Variants in PNRC2 observed in about 807,000 individuals in gnomAD.
PNRC2 encodes proline rich nuclear receptor coactivator 2, also known as proline-rich nuclear receptor coactivator 2.
In PNRC2, 2 loss-of-function variants were observed where a neutral mutation model predicts 12.2. The observed-to-expected ratio is 0.16, with a 90% CI of 0.07 to 0.52. The LOEUF is 0.52. Ranked by LOEUF, PNRC2 falls within the 20% of genes least tolerant of loss-of-function variation. PNRC2 has a pLI of 0.95. For synonymous variants in PNRC2, 44 were observed against 53.9 expected (o/e 0.82, Z 0.80); for missense variants, 115 against 158.4 (o/e 0.73, Z 1.47).
rs932934679 is a variant in PNRC2 at position 23,963,102 on chromosome 1, G to C, written c.*1225G>C. The C allele has an allele frequency of 3.0e-5, 5 of 166,936 alleles. No homozygotes were observed. The highest frequency in any genetic ancestry group is 1.2e-4 in the African/African-American group (5 of 41,416). The allele number at this position is 166,936 out of a possible 1,614,324, so 10.3% of individuals were successfully genotyped here. A position where few individuals can be genotyped will look rare whatever the true frequency, so the allele number is the denominator to read the frequency against. ...GATGTTTTGTTTTTGTTTGGTCAAG[G>C]GGTAGGTGCAACCCAATGGACCACT... On this transcript the variant is annotated 3_prime_UTR_variant, in exon 3 of 3. Coordinates refer to ENST00000334351, the MANE Select transcript of PNRC2 (RefSeq NM_017761.4).
intron 1 of PNRC2, 117 bp downstream of exon 1, chr1:23,960,115 G>A (rs1641248064): frequency 6.6e-6 from 1 of 152,248 alleles, no homozygotes; most frequent in South Asian, 2.1e-4. Context: ...GGGCGGTCAC[G>A]GGCGGTCGCA....
In PNRC2 at chr1:23,961,704, T is replaced by C; in HGVS notation, c.247T>C (p.Leu83=). ...GAATTCTAGCTTATCAGGTCCCAGGTTACTTTTTAAATCTCAAGCTAATCA... is the reference window on the plus strand; with the variant it reads ...GAATTCTAGCTTATCAGGTCCCAGGCTACTTTTTAAATCTCAAGCTAATCA... ...SWNSSLSGPR[L]LFKSQANQNY... Residue 83 remains leucine (L), a synonymous_variant, in exon 3 of 3, where the codon TTA becomes CTA. Coordinates refer to ENST00000334351, the MANE Select transcript of PNRC2 (RefSeq NM_017761.4). 4 of 1,614,022 alleles carry C rather than the reference T, an allele frequency of 2.5e-6. No homozygotes were observed. The highest frequency in any genetic ancestry group is 3.4e-6 in the Non-Finnish European group (4 of 1,179,872).
intron 1 of PNRC2, among the ~76,000 whole-genome samples, chr1:23,960,404 GGGCTTA>G (rs1193922696): frequency 2.0e-5 from 3 of 152,278 alleles, no homozygotes; most frequent in African/African-American, 7.2e-5. Context: ...TATTTAAGAT[GGGCTTA>G]GACTGTTAGG....
chr1:23,961,611 T>G lies in PNRC2; in HGVS notation c.154T>G (p.Ser52Ala), dbSNP rs1402910970. ...AGAAAGAGGACATGGTTATAACTCA[T>G]CAGCAGCTGCCTGGCAGGCCATGCA... ...KKERGHGYNS[S>A]AAAWQAMQNG... The change falls in exon 3 of 3, where the codon TCA (serine) becomes GCA (alanine). Residue 52 changes from serine (S) to alanine (A), a missense_variant. Ser to Ala is a moderately conservative substitution (Grantham distance 99, BLOSUM62 1). Coordinates refer to ENST00000334351, the MANE Select transcript of PNRC2 (RefSeq NM_017761.4). The G allele has an allele frequency of 1.4e-5, 22 of 1,613,944 alleles. No individual in the cohort carries two copies. Among genetic ancestry groups the G allele is most frequent in the Middle Eastern group, 1.7e-4 (1 of 6,056 alleles).
chr1:23,961,943 G>A lies in PNRC2; in HGVS notation c.*66G>A. On this transcript the variant is annotated 3_prime_UTR_variant, in exon 3 of 3. Transcript: ENST00000334351. ...TTGTCAATTGGTCTGAAACAAATTC[G>A]CTAGGGAATCTATTTGTGTAGAACT... is the stretch of plus-strand genomic sequence containing the variant. 2.3e-6 allele frequency: 2 copies of A among 859,528 alleles called. No individual in the cohort carries two copies. The highest frequency in any genetic ancestry group is 1.8e-6 in the Non-Finnish European group (1 of 546,090). The allele number at this position is 859,528 out of a possible 1,614,324, so 53.2% of individuals were successfully genotyped here.
At chr1:23,961,203 A>G (rs1190935687) in intron 2 of PNRC2, 69 bp downstream of exon 2, 3 of 445,294 alleles carry the variant, frequency 6.7e-6, no homozygotes, top group Non-Finnish European at 1.2e-5. Flanking sequence ...ATTTTAAAAT[A>G]GATTATGTAG....
Position 23,962,292 on chromosome 1 carries a change from A to G in PNRC2, c.*415A>G. ...TATTAGAAACACCCAAACCAGTAAT[A>G]TGCTAACCTGATGCACTGCTGAAAG... On this transcript the variant is annotated 3_prime_UTR_variant, in exon 3 of 3. Transcript: ENST00000334351. 5.7e-6 allele frequency: 1 copy of G among 174,856 alleles called. No homozygotes were observed. The highest frequency in any genetic ancestry group is 1.4e-5 in the Non-Finnish European group (1 of 72,324). 10.8% of individuals were successfully genotyped at this position (174,856 alleles called of 1,614,324 possible). A position where few individuals can be genotyped will look rare whatever the true frequency, so the allele number is the denominator to read the frequency against.
At chr1:23,960,211 G>A (rs1237084748) in intron 1 of PNRC2, among the ~76,000 whole-genome samples, 1 of 152,224 alleles carries the variant, frequency 6.6e-6, no homozygotes, top group African/African-American at 2.4e-5. Flanking sequence ...TTCCGGGTTC[G>A]AGTTGGGAAT....
At position 23,961,637 on chromosome 1, in the gene PNRC2, A is replaced by C. The variant is rs1641278193; in HGVS notation, c.180A>C (p.Gln60His). Reference protein sequence around the residue: ...NSSAAAWQAMQNGGKNKNFPN... With the variant: ...NSSAAAWQAMHNGGKNKNFPN... The stretch of plus-strand genomic sequence containing the variant: ...CAGCAGCTGCCTGGCAGGCCATGCA[A>C]AATGGGGGGAAGAACAAAAATTTTC... The change falls in exon 3 of 3, where the codon CAA becomes CAC. Residue 60 changes from glutamine (Q) to histidine (H), a missense_variant. Gln to His is a conservative substitution (Grantham distance 24). Transcript: ENST00000334351. The C allele has an allele frequency of 2.5e-6, 4 of 1,613,896 alleles. No individual in the cohort carries two copies. In the African/African-American group the frequency reaches 4.0e-5, roughly 16 times the overall value.
chr1:23,961,020 C>A lies in PNRC2; in HGVS notation c.-133C>A. The A allele has an allele frequency of 5.0e-6, 2 of 403,512 alleles. No homozygotes were observed. Among genetic ancestry groups the A allele is most frequent in the East Asian group, 7.1e-5 (2 of 28,192 alleles). The allele number at this position is 403,512 out of a possible 1,614,324, so 25.0% of individuals were successfully genotyped here. A position where few individuals can be genotyped will look rare whatever the true frequency, so the allele number is the denominator to read the frequency against. ...TCAGCAGATCGGCCCATGAAAACTTCTGTATTGAGACAAAGGAAGGGATCT... is the reference window on the plus strand; with the variant it reads ...TCAGCAGATCGGCCCATGAAAACTTATGTATTGAGACAAAGGAAGGGATCT... On this transcript the variant is annotated 5_prime_UTR_variant, in exon 2 of 3. In the 5' UTR this introduces an upstream ATG that the reference lacks. Coordinates refer to ENST00000334351, the MANE Select transcript of PNRC2 (RefSeq NM_017761.4).
chr1:23,961,509 A>G lies in PNRC2; in HGVS notation c.52A>G (p.Ser18Gly), dbSNP rs1641276163. 6.2e-7 allele frequency: 1 copy of G among 1,612,646 alleles called. No homozygotes were observed. ...NIPAPQSRNVSKNQQQLNRQK... is the reference protein window; with the variant it reads ...NIPAPQSRNVGKNQQQLNRQK... ...TCCAGCCCCTCAATCTAGAAATGTT[A>G]GTAAGAACCAACAACAGCTTAACAG... Residue 18 changes from serine to glycine, a missense_variant, in exon 3 of 3, where the codon AGT (serine) becomes GGT (glycine). By Grantham distance (56) the Ser-to-Gly change is moderately conservative. This residue lies in a region of PNRC2 where 98 missense variants were observed against 112.4 expected (regional missense o/e 0.87). Coordinates refer to ENST00000334351, the MANE Select transcript of PNRC2 (RefSeq NM_017761.4).
Position 23,962,523 on chromosome 1 carries a change from A to G in PNRC2, c.*646A>G, listed in dbSNP as rs1171760409. The G allele has an allele frequency of 1.2e-5, 2 of 167,126 alleles. No individual in the cohort carries two copies. Among genetic ancestry groups the G allele is most frequent in the African/African-American group, 2.4e-5 (1 of 41,512 alleles). 10.4% of individuals were successfully genotyped at this position (167,126 alleles called of 1,614,324 possible). On this transcript the variant is annotated 3_prime_UTR_variant, in exon 3 of 3. Coordinates refer to ENST00000334351, the MANE Select transcript of PNRC2 (RefSeq NM_017761.4). ...GGTCACTCAATAGCTTTCAAAATAC[A>G]TTTTTGTATTACAGCACTGCACAAG...
chr1:23,961,277 G>A (rs1341529065), intron 2 of PNRC2, 143 bp downstream of exon 2: 2 of 544,390 alleles, frequency 3.7e-6, no homozygotes, highest in African/African-American at 3.8e-5. Context: ...ATATATTGAA[G>A]TCTGAACGGC....
rs894369583 is a variant in PNRC2, at chr1:23,959,925, C to T, written c.-298C>T. On this transcript the variant is annotated 5_prime_UTR_variant, in exon 1 of 3. Transcript: ENST00000334351. ...TGGGCTTTGTCGGTCCGTGCCTCGT[C>T]TCTCCCTGGAAAGGGAGGGAGGCTT... 38 of 152,294 alleles carry T rather than the reference C, an allele frequency of 2.5e-4. No individual in the cohort carries two copies. The highest frequency in any genetic ancestry group is 8.4e-4 in the African/African-American group (35 of 41,464). The allele number at this position is 152,294 out of a possible 1,614,324, so 9.4% of individuals were successfully genotyped here.
rs1219630725 is a variant in PNRC2, at chr1:23,962,606, A to G, written c.*729A>G. 6.0e-6 allele frequency: 1 copy of G among 167,042 alleles called. No individual in the cohort carries two copies. The highest frequency in any genetic ancestry group is 1.5e-5 in the Non-Finnish European group (1 of 68,098). The allele number at this position is 167,042 out of a possible 1,614,324, so 10.3% of individuals were successfully genotyped here. ...TGCAAAGCTTGCTTTGGGGAGTTGG[A>G]TAATGTGAAAATTTTAAGTACCTAG... On this transcript the variant is annotated 3_prime_UTR_variant, in exon 3 of 3. Coordinates refer to ENST00000334351, the MANE Select transcript of PNRC2 (RefSeq NM_017761.4).
Position 23,961,703 on chromosome 1 carries a change from G to A in PNRC2, c.246G>A (p.Arg82=), listed in dbSNP as rs776171746. ...QSWNSSLSGP[R]LLFKSQANQN... ...GGAATTCTAGCTTATCAGGTCCCAG[G>A]TTACTTTTTAAATCTCAAGCTAATC... The change falls in exon 3 of 3, where the codon AGG becomes AGA. Residue 82 remains arginine (R), a synonymous_variant. Coordinates refer to ENST00000334351, the MANE Select transcript of PNRC2 (RefSeq NM_017761.4). 2.2e-6 allele frequency: 3 copies of A among 1,376,558 alleles called. No individual in the cohort carries two copies. The highest frequency in any genetic ancestry group is 1.8e-5 in the Admixed American group (1 of 55,076). 85.3% of individuals were successfully genotyped at this position (1,376,558 alleles called of 1,614,324 possible).
intron 2 of PNRC2, 142 bp downstream of exon 2, chr1:23,961,276 A>C: frequency 1.8e-6 from 1 of 545,188 alleles, no homozygotes; most frequent in Non-Finnish European, 3.3e-6. Flanking sequence ...CATATATTGA[A>C]GTCTGAACGG....
rs747885465 is a variant in PNRC2 at position 23,961,748 on chromosome 1, A to G, written c.291A>G (p.Lys97=). Residue 97 remains lysine, a synonymous_variant, in exon 3 of 3, where the codon AAA becomes AAG. Coordinates refer to ENST00000334351, the MANE Select transcript of PNRC2 (RefSeq NM_017761.4). The part of the protein sequence containing the change: ...SQANQNYAGA[K]FSEPPSPSVL... Reference sequence around the variant, plus strand: ...CTAATCAGAACTATGCTGGTGCCAAATTTAGTGAGCCGCCATCACCAAGTG... The same window carrying G: ...CTAATCAGAACTATGCTGGTGCCAAGTTTAGTGAGCCGCCATCACCAAGTG... The G allele has an allele frequency of 1.9e-6, 3 of 1,614,012 alleles. No homozygotes were observed. The African/African-American group carries it at 4.0e-5, about 22-fold the overall frequency.
chr1:23,963,141 T>G lies in PNRC2; in HGVS notation c.*1264T>G, dbSNP rs938256852. The G allele has an allele frequency of 3.0e-5, 5 of 167,058 alleles. No homozygotes were observed. The highest frequency in any genetic ancestry group is 1.2e-4 in the African/African-American group (5 of 41,452). 10.3% of individuals were successfully genotyped at this position (167,058 alleles called of 1,614,324 possible). A position where few individuals can be genotyped will look rare whatever the true frequency, so the allele number is the denominator to read the frequency against. On this transcript the variant is annotated 3_prime_UTR_variant, in exon 3 of 3. Transcript: ENST00000334351. ...CAATGGACCACTTATGCAAAAGATG[T>G]AAACTCTTGCATAATACATTGATAA...
Sources: gnomAD v4.1 joint callset for allele counts (sites outside exome capture counted in the v4.1 genomes callset) on GRCh38, gnomAD v4.1.1 for gene constraint, gnomAD v4.1.1 regional missense constraint, MANE v1.5 for transcripts, NCBI Gene and HGNC (gene_info 2026-07-23, HGNC 2026-07-21) for gene names.